CCDC7: variants seen among roughly 807,000 people sequenced by gnomAD.
CCDC7 encodes coiled-coil domain containing 7.
Under a neutral mutation model 196.9 loss-of-function variants are expected in CCDC7, and 183 were observed. The ratio of observed to expected loss-of-function variants is 0.93; its 90% CI spans 0.82 to 1.05. The LOEUF (loss-of-function observed/expected upper bound fraction) is 1.05, where lower values mean the gene tolerates loss of function less well. CCDC7 is among the 50% of genes least tolerant of loss of function. The pLI is 0.00. For synonymous variants in CCDC7, 525 were observed against 484.6 expected, an observed-to-expected ratio of 1.08 and a Z score of -1.10; for missense variants, 1,540 against 1,482.2, an observed-to-expected ratio of 1.04 and a Z score of -0.64.
Position 32,876,365 on chromosome 10 carries a change from GA to G in CCDC7, c.4134del (p.Lys1378AsnfsTer?). On this transcript the variant is annotated frameshift_variant, in exon 42 of 42. Coordinates refer to ENST00000639629, the Ensembl canonical transcript of CCDC7. LOFTEE classifies it low-confidence loss of function (END_TRUNC). ...TTTAAAGTGTTACATGCTGCTGCCC[GA>G]AAATCTGTACCACACCCATACTTTT... 1 of 1,610,616 alleles carries G rather than the reference GA, an allele frequency of 6.2e-7. No homozygotes were observed. The highest frequency in any genetic ancestry group is 8.5e-7 in the Non-Finnish European group (1 of 1,178,034).
chr10:32,600,054 A>G (rs191927440), intron 18 of CCDC7, among the ~76,000 whole-genome samples: 59 of 151,982 alleles, frequency 3.9e-4, no homozygotes, highest in African/African-American at 1.2e-3. Flanking sequence ...ATAACTTTGT[A>G]TACTCTTTTT....
At chr10:32,671,898 G>T (rs2140774968) in intron 21 of CCDC7, among the ~76,000 whole-genome samples, 1 of 152,260 alleles carries the variant, frequency 6.6e-6, no homozygotes, top group South Asian at 2.1e-4. Flanking sequence ...GTGAATGTTT[G>T]CAATTGTGGC....
In CCDC7 at chr10:32,837,433, T is replaced by C. The variant is rs181737231; in HGVS notation, c.3352+2535T>C. ...TAAAAAGTCAGGAAACAACAGGTAC[T>C]GGAGAGGATGTGGAGAAATAGGAAC... On this transcript the variant is annotated intron_variant, in intron 33 of 41. Transcript: ENST00000639629. Among the ~76,000 whole-genome samples, 907 of 152,260 alleles carry C rather than the reference T, an allele frequency of 6.0e-3. 10 individuals are homozygous for C. The highest frequency in any genetic ancestry group is 0.021 in the African/African-American group (865 of 41,552).
intron 39 of CCDC7, among the ~76,000 whole-genome samples, chr10:32,849,333 G>A (rs887138014): frequency 9.9e-5 from 15 of 152,076 alleles, no homozygotes; most frequent in African/African-American, 2.7e-4. Flanking sequence ...TATGTATGGC[G>A]GTTGGCTGGC....
chr10:32,739,306 G>T, intron 28 of CCDC7, among the ~76,000 whole-genome samples: 1 of 151,188 alleles, frequency 6.6e-6, no homozygotes, highest in African/African-American at 2.4e-5. Context: ...CAAAGATCTC[G>T]GTATTCTGTT....
intron 31 of CCDC7, among the ~76,000 whole-genome samples, chr10:32,823,946 T>G (rs1332784137): frequency 6.6e-6 from 1 of 152,288 alleles, no homozygotes; most frequent in African/African-American, 2.4e-5. Flanking sequence ...ATTATTCTTT[T>G]TTATCACTGA....
At chr10:32,650,013 C>T (rs1034587677) in intron 20 of CCDC7, among the ~76,000 whole-genome samples, 2 of 152,178 alleles carry the variant, frequency 1.3e-5, no homozygotes, top group Non-Finnish European at 1.5e-5. Context: ...TCTGTCATTT[C>T]AGACAATCCA....
In CCDC7 at chr10:32,490,919, C is replaced by T. The variant is rs955455391; in HGVS notation, c.797-1003C>T. 3.9e-4 allele frequency among the ~76,000 whole-genome samples: 59 copies of T among 152,104 alleles called. 1 individual carries two copies. Among genetic ancestry groups the T allele is most frequent in the Non-Finnish European group, 7.8e-4 (53 of 68,012 alleles). ...TTAATTCTTACGAAGCTGGCTTCTC[C>T]CAGTATCCTATTTGAATCTTTGAGG... On this transcript the variant is annotated intron_variant, in intron 8 of 41. Coordinates refer to ENST00000639629, the Ensembl canonical transcript of CCDC7.
rs542515579 is a variant in CCDC7 at position 32,548,865 on chromosome 10, A to G, written c.1134+4564A>G. ...TTTTGCAGTTGTGAATTGTGCTGCT[A>G]TAAACATGCATGTGCAAGTATCTTT... On this transcript the variant is annotated intron_variant, in intron 13 of 41. Coordinates refer to ENST00000639629, the Ensembl canonical transcript of CCDC7. 3.3e-5 allele frequency among the ~76,000 whole-genome samples: 5 copies of G among 152,340 alleles called. No homozygotes were observed. In the South Asian group the frequency reaches 8.3e-4, roughly 25 times the overall value.
chr10:32,524,029 T>A (rs2048284081), intron 11 of CCDC7, among the ~76,000 whole-genome samples: 1 of 151,970 alleles, frequency 6.6e-6, no homozygotes, highest in African/African-American at 2.4e-5. Flanking sequence ...TTTTTAAATT[T>A]GTTTTCTGGT....
intron 29 of CCDC7, among the ~76,000 whole-genome samples, chr10:32,797,589 C>G (rs577833682): frequency 6.7e-6 from 1 of 149,972 alleles, no homozygotes; most frequent in Non-Finnish European, 1.5e-5. Context: ...GATGGGCGCA[C>G]CAAAATCTCA....
chr10:32,679,733 G>C (rs989881390), intron 21 of CCDC7, among the ~76,000 whole-genome samples: 1 of 152,304 alleles, frequency 6.6e-6, no homozygotes. Context: ...GGGGTTGCAT[G>C]TTTGGGATGG....
chr10:32,869,397 C>T (rs1177969828), intron 41 of CCDC7, among the ~76,000 whole-genome samples: 1 of 152,116 alleles, frequency 6.6e-6, no homozygotes, highest in Non-Finnish European at 1.5e-5. Flanking sequence ...ATATCCTTCA[C>T]CCACTTTTTG....
At chr10:32,794,083 A>G (rs1355801826) in intron 29 of CCDC7, among the ~76,000 whole-genome samples, 1 of 152,150 alleles carries the variant, frequency 6.6e-6, no homozygotes, top group Non-Finnish European at 1.5e-5. Context: ...ATAGTACTCC[A>G]TAGGTAGCCT....
intron 33 of CCDC7, among the ~76,000 whole-genome samples, chr10:32,843,550 G>T (rs1367235120): frequency 6.6e-6 from 1 of 151,946 alleles, no homozygotes; most frequent in Non-Finnish European, 1.5e-5. Context: ...ATTCCAGGCA[G>T]GATCATATTT....
intron 16 of CCDC7, among the ~76,000 whole-genome samples, chr10:32,577,228 C>T (rs1016591100): frequency 4.6e-5 from 7 of 151,754 alleles, no homozygotes; most frequent in Non-Finnish European, 8.8e-5. Flanking sequence ...TGGGCATGGT[C>T]GTGCGCGCCT....
chr10:32,456,027 T>C (rs1345903159), intron 2 of CCDC7, among the ~76,000 whole-genome samples: 2 of 152,202 alleles, frequency 1.3e-5, no homozygotes, highest in Non-Finnish European at 2.9e-5. Context: ...TGGCTGGGTA[T>C]ATGTCACTGA....
At position 32,876,124 on chromosome 10, in the gene CCDC7, A is replaced by G. The variant is rs114685502; in HGVS notation, c.4112-223A>G. ...TGTCTGAGCGATTCTGTTGCTAGCT[A>G]AAGTTGGAGAACCATTATCTATATT... On this transcript the variant is annotated intron_variant, in intron 41 of 41. Coordinates refer to ENST00000639629, the Ensembl canonical transcript of CCDC7. Among the ~76,000 whole-genome samples, 464 of 152,148 alleles carry G rather than the reference A, an allele frequency of 3.0e-3. 6 individuals are homozygous for G. Among genetic ancestry groups the G allele is most frequent in the African/African-American group, 0.011 (439 of 41,536 alleles).
Position 32,634,444 on chromosome 10 carries a change from T to G in CCDC7, c.1912+80T>G. On this transcript the variant is annotated intron_variant, in intron 19 of 41. Coordinates refer to ENST00000639629, the Ensembl canonical transcript of CCDC7. ...TGGAGTCTCGCCCTGTCACCCAGGC[T>G]GGAGTGCAGTGGCATGATCTTGGCT... The G allele has an allele frequency of 3.9e-6, 2 of 519,402 alleles. 1 individual carries two copies. The highest frequency in any genetic ancestry group is 5.7e-6 in the Non-Finnish European group (2 of 351,434). 32.2% of individuals were successfully genotyped at this position (519,402 alleles called of 1,614,324 possible). A position where few individuals can be genotyped will look rare whatever the true frequency, so the allele number is the denominator to read the frequency against.
Sources: gnomAD v4.1 joint callset for allele counts (sites outside exome capture counted in the v4.1 genomes callset) on GRCh38, gnomAD v4.1.1 for gene constraint, MANE v1.5 for transcripts, NCBI Gene and HGNC (gene_info 2026-07-23, HGNC 2026-07-21) for gene names.